Variants in ACOXL observed in about 807,000 individuals in gnomAD.
ACOXL encodes the protein acyl-CoA oxidase like.
Under a neutral mutation model 71.9 loss-of-function variants are expected in ACOXL, and 70 were observed. That is an observed-to-expected ratio of 0.97 (90% CI 0.80 to 1.19). The LOEUF is 1.19. Ranked by LOEUF, ACOXL falls within the 50% of genes most tolerant of loss-of-function variation. ACOXL has a pLI of 0.00. For synonymous variants in ACOXL, 253 were observed against 281.6 expected, an observed-to-expected ratio of 0.90 and a Z score of 1.02; for missense variants, 703 against 736.3, an observed-to-expected ratio of 0.95 and a Z score of 0.52.
chr2:110,924,619 T>G (rs181978701), intron 11 of ACOXL, among the ~76,000 whole-genome samples: 118 of 152,240 alleles, frequency 7.8e-4, no homozygotes, highest in Admixed American at 3.4e-3. Flanking sequence ...TTGCAGCAAT[T>G]CAGTCACATC....
intron 14 of ACOXL, among the ~76,000 whole-genome samples, chr2:111,000,474 G>A (rs913741989): frequency 6.6e-6 from 1 of 152,220 alleles, no homozygotes; most frequent in Admixed American, 6.5e-5. Flanking sequence ...TATGGTCAAT[G>A]TGTTCATTTC....
chr2:110,811,771 ACACACACACACACACG>A, intron 9 of ACOXL, among the ~76,000 whole-genome samples: 1 of 148,716 alleles, frequency 6.7e-6, no homozygotes, highest in East Asian at 2.0e-4. Flanking sequence ...ACACACACAC[ACACACACACACACACG>A]CGGGGAGGAG....
intron 12 of ACOXL, among the ~76,000 whole-genome samples, chr2:110,983,814 A>T (rs753239093): frequency 1.3e-5 from 2 of 152,204 alleles, no homozygotes; most frequent in Non-Finnish European, 2.9e-5. Flanking sequence ...TGAATTTCTT[A>T]GTTTTGATAG....
At chr2:110,968,077 G>C in intron 12 of ACOXL, 1 of 1,237,022 alleles carries the variant, frequency 8.1e-7, no homozygotes, top group Non-Finnish European at 1.2e-6. Context: ...ATACGCACAC[G>C]AACTGCCAAA....
At chr2:111,026,233 CT>C in intron 14 of ACOXL, among the ~76,000 whole-genome samples, 1 of 152,078 alleles carries the variant, frequency 6.6e-6, no homozygotes. Context: ...ATGGTTTTGA[CT>C]TTTCTAGGTC....
rs188488978 is a variant in ACOXL at position 110,840,941 on chromosome 2, G to T, written c.754-430G>T. On this transcript the variant is annotated intron_variant, in intron 9 of 17. Coordinates refer to ENST00000439055, the MANE Select transcript of ACOXL (RefSeq NM_001142807.4). ...CTCCTAGGGTAGGAGATAGAGGGGG[G>T]ACCAGCTCCCAGGATCCCACCATGT... 1.5e-3 allele frequency among the ~76,000 whole-genome samples: 223 copies of T among 152,302 alleles called. 1 individual carries two copies. The highest frequency in any genetic ancestry group is 5.2e-3 in the African/African-American group (216 of 41,562).
At chr2:110,760,299 C>T (rs757849663) in intron 1 of ACOXL, among the ~76,000 whole-genome samples, 24 of 152,148 alleles carry the variant, frequency 1.6e-4, no homozygotes, top group Admixed American at 2.6e-4. Context: ...ACCGCCACCA[C>T]GCCTGGCTAA....
chr2:110,789,655 A>T (rs1684413301), intron 3 of ACOXL, among the ~76,000 whole-genome samples: 1 of 152,128 alleles, frequency 6.6e-6, no homozygotes. Context: ...TCTAACTTTG[A>T]TCATTGCCCA....
intron 9 of ACOXL, among the ~76,000 whole-genome samples, chr2:110,822,905 TC>T (rs1475048739): frequency 2.6e-5 from 4 of 152,216 alleles, no homozygotes; most frequent in African/African-American, 9.7e-5. Context: ...ATAAATAGCA[TC>T]ATACAGCAGG....
chr2:111,090,862 C>T (rs1476163694), intron 16 of ACOXL, among the ~76,000 whole-genome samples: 2 of 152,194 alleles, frequency 1.3e-5, no homozygotes, highest in African/African-American at 4.8e-5. Context: ...CTTCTCTACC[C>T]TGTGTGGATC....
Position 110,967,955 on chromosome 2 carries a change from A to G in ACOXL, c.1060-19153A>G. 2.1e-6 allele frequency: 2 copies of G among 940,460 alleles called. 1 individual carries two copies. Among genetic ancestry groups the G allele is most frequent in the South Asian group, 2.6e-5 (2 of 76,122 alleles). 58.3% of individuals were successfully genotyped at this position (940,460 alleles called of 1,614,324 possible). A position where few individuals can be genotyped will look rare whatever the true frequency, so the allele number is the denominator to read the frequency against. On this transcript the variant is annotated intron_variant, in intron 12 of 17. Transcript: ENST00000439055. Reference sequence around the variant, plus strand: ...CGGAAATACTTGGAGATACAGGATAAAAATAAATACAACACACCCAAATAT... The same window carrying G: ...CGGAAATACTTGGAGATACAGGATAGAAATAAATACAACACACCCAAATAT...
intron 14 of ACOXL, among the ~76,000 whole-genome samples, chr2:111,005,728 G>A (rs2063840905): frequency 6.6e-6 from 1 of 152,100 alleles, no homozygotes; most frequent in African/African-American, 2.4e-5. Flanking sequence ...TGGCGATTGG[G>A]TGGCACACAC....
chr2:110,782,334 A>G (rs998526326), intron 2 of ACOXL, among the ~76,000 whole-genome samples: 8 of 152,186 alleles, frequency 5.3e-5, no homozygotes, highest in Admixed American at 3.9e-4. Flanking sequence ...ATTAAGAACA[A>G]TTAATCAGAA....
chr2:110,861,384 A>G (rs1426838989), intron 10 of ACOXL, among the ~76,000 whole-genome samples: 3 of 152,148 alleles, frequency 2.0e-5, no homozygotes, highest in African/African-American at 4.8e-5. Flanking sequence ...AAACCACTGG[A>G]AATGCATATG....
chr2:110,790,789 T>C (rs535258690), intron 3 of ACOXL, among the ~76,000 whole-genome samples: 19 of 152,270 alleles, frequency 1.2e-4, no homozygotes, highest in African/African-American at 4.6e-4. Flanking sequence ...TCAGGATTTC[T>C]GTTTTAAGGA....
chr2:110,784,332 T>TGCAG (rs1468744895), intron 2 of ACOXL, among the ~76,000 whole-genome samples: 1 of 151,794 alleles, frequency 6.6e-6, no homozygotes, highest in Non-Finnish European at 1.5e-5. Flanking sequence ...GCAGAGAGGC[T>TGCAG]GCAGGCTGTG....
chr2:111,061,570 C>T lies in ACOXL; in HGVS notation c.1440+12282C>T, dbSNP rs192111991. ...AATCATCAGGAAAGAAGAAAGAATTCGGTAAACAAAGATGGTAAATTCAAT... is the reference window on the plus strand; with the variant it reads ...AATCATCAGGAAAGAAGAAAGAATTTGGTAAACAAAGATGGTAAATTCAAT... On this transcript the variant is annotated intron_variant, in intron 16 of 17. Coordinates refer to ENST00000439055, the MANE Select transcript of ACOXL (RefSeq NM_001142807.4). 1.4e-4 allele frequency among the ~76,000 whole-genome samples: 21 copies of T among 152,228 alleles called. No homozygotes were observed. The South Asian group carries it at 2.7e-3, about 20-fold the overall frequency.
At chr2:110,826,594 T>C (rs1689184170) in intron 9 of ACOXL, among the ~76,000 whole-genome samples, 1 of 152,196 alleles carries the variant, frequency 6.6e-6, no homozygotes, top group Non-Finnish European at 1.5e-5. Context: ...AAATGGCCTG[T>C]TTCCACATAC....
At chr2:111,112,704 T>A (rs1330033964) in intron 17 of ACOXL, among the ~76,000 whole-genome samples, 2 of 152,236 alleles carry the variant, frequency 1.3e-5, no homozygotes, top group African/African-American at 4.8e-5. Flanking sequence ...CCAGTCCATG[T>A]GCTGCTCTTT....
Sources: allele counts gnomAD v4.1 joint callset (sites outside exome capture counted in the v4.1 genomes callset), GRCh38; gene constraint gnomAD v4.1.1; transcripts MANE v1.5; gene names NCBI Gene and HGNC (gene_info 2026-07-23, HGNC 2026-07-21).